Variants in NHSL1 observed in about 807,000 individuals in gnomAD.
The protein encoded by NHSL1 is NHS like 1, also known as NHS-like protein 1.
In NHSL1, 48 loss-of-function variants were observed where a neutral mutation model predicts 95.0. The observed-to-expected ratio is 0.51, with a 90% CI of 0.40 to 0.64. The LOEUF (loss-of-function observed/expected upper bound fraction) is 0.64. Among genes scored for constraint, NHSL1 ranks in the 30% least tolerant of loss-of-function variants. The probability of loss-of-function intolerance (pLI) is 0.00; values close to 1 mark genes in which losing one functional copy is unlikely to be tolerated. For missense variants in NHSL1, 1,971 were observed against 2,077.7 expected, an observed-to-expected ratio of 0.95 and a Z score of 1.00; for synonymous variants, 783 against 833.9, an observed-to-expected ratio of 0.94 and a Z score of 1.05.
intron 1 of NHSL1, among the ~76,000 whole-genome samples, chr6:138,521,330 A>T (rs140309079): frequency 5.8e-4 from 89 of 152,242 alleles, no homozygotes; most frequent in African/African-American, 2.1e-3. Context: ...ACTGGGACTG[A>T]TTGTGCACAC....
intron 1 of NHSL1, among the ~76,000 whole-genome samples, chr6:138,510,232 A>C (rs1462580923): frequency 6.6e-6 from 1 of 152,164 alleles, no homozygotes; most frequent in Non-Finnish European, 1.5e-5. Flanking sequence ...ATATTGTTTC[A>C]CATATGGTTA....
intron 1 of NHSL1, among the ~76,000 whole-genome samples, chr6:138,633,817 T>A (rs941678991): frequency 2.0e-5 from 3 of 152,218 alleles, no homozygotes; most frequent in Admixed American, 6.5e-5. Flanking sequence ...TGTAAACTAC[T>A]CTTATTCTAA....
At chr6:138,683,690 G>A (rs575618773) in intron 1 of NHSL1, among the ~76,000 whole-genome samples, 3 of 152,350 alleles carry the variant, frequency 2.0e-5, no homozygotes, top group Non-Finnish European at 4.4e-5. Context: ...ACTGCCACGC[G>A]ATGTTTGGGC....
intron 1 of NHSL1, among the ~76,000 whole-genome samples, chr6:138,655,718 C>A (rs1168193918): frequency 6.6e-6 from 1 of 152,180 alleles, no homozygotes; most frequent in Non-Finnish European, 1.5e-5. Flanking sequence ...ACATGAAGTA[C>A]TACCACTTTG....
At chr6:138,599,644 T>C (rs891144634) in intron 1 of NHSL1, among the ~76,000 whole-genome samples, 1 of 152,206 alleles carries the variant, frequency 6.6e-6, no homozygotes, top group African/African-American at 2.4e-5. Flanking sequence ...TTCCAGTTTC[T>C]CATTCAGTGC....
chr6:138,565,865 C>A (rs1783594861), intron 1 of NHSL1, among the ~76,000 whole-genome samples: 1 of 151,540 alleles, frequency 6.6e-6, no homozygotes, highest in South Asian at 2.1e-4. Context: ...ATCCCTTGAG[C>A]CTGGGAGTTC....
chr6:138,484,599 ATGTCT>A (rs1779613176), intron 2 of NHSL1, among the ~76,000 whole-genome samples: 1 of 152,146 alleles, frequency 6.6e-6, no homozygotes, highest in Non-Finnish European at 1.5e-5. Context: ...GTTTTCCCCC[ATGTCT>A]TGGGACCAAT....
chr6:138,679,655 C>T (rs1053287593), intron 1 of NHSL1, among the ~76,000 whole-genome samples: 3 of 152,238 alleles, frequency 2.0e-5, no homozygotes, highest in East Asian at 3.9e-4. Flanking sequence ...AACTTCTGTC[C>T]ACTTGATAAC....
At chr6:138,542,391 T>A (rs1003917590) in intron 1 of NHSL1, among the ~76,000 whole-genome samples, 1 of 152,244 alleles carries the variant, frequency 6.6e-6, no homozygotes, top group Non-Finnish European at 1.5e-5. Flanking sequence ...TTATGACAGC[T>A]CTGGGAAACT....
chr6:138,463,044 A>G (rs535882350), intron 3 of NHSL1, among the ~76,000 whole-genome samples: 1 of 152,252 alleles, frequency 6.6e-6, no homozygotes, highest in Admixed American at 6.5e-5. Context: ...TAGCAGATGG[A>G]GTTATCCTCA....
chr6:138,586,215 C>T (rs1784133442), intron 1 of NHSL1, among the ~76,000 whole-genome samples: 1 of 151,912 alleles, frequency 6.6e-6, no homozygotes, highest in South Asian at 2.1e-4. Context: ...CTGCCTCATC[C>T]TCCCAAATAG....
At chr6:138,473,544 G>A in intron 2 of NHSL1, 111 bp from the exon 3 acceptor site, 1 of 1,186,472 alleles carries the variant, frequency 8.4e-7, no homozygotes, top group Non-Finnish European at 1.1e-6. Context: ...ATTTTTCTAG[G>A]CATTAATAGG....
intron 1 of NHSL1, among the ~76,000 whole-genome samples, chr6:138,593,130 T>C (rs556603735): frequency 9.8e-4 from 149 of 152,326 alleles, no homozygotes; most frequent in African/African-American, 3.5e-3. Context: ...CAAAGACTTA[T>C]TGAATCCTGA....
At chr6:138,659,284 A>C (rs1215193376) in intron 1 of NHSL1, among the ~76,000 whole-genome samples, 14 of 152,018 alleles carry the variant, frequency 9.2e-5, no homozygotes. Flanking sequence ...TCCTGACCTC[A>C]GGTGATCCGC....
intron 1 of NHSL1, chr6:138,571,627 A>G: frequency 7.5e-7 from 1 of 1,329,460 alleles, no homozygotes; most frequent in South Asian, 1.4e-5. Context: ...GGGGGCAAAA[A>G]TCATGAAGGG....
Position 138,613,429 on chromosome 6 carries a change from C to T in NHSL1, c.96+79047G>A, listed in dbSNP as rs963533812. Among the ~76,000 whole-genome samples the T allele has an allele frequency of 3.9e-5, 6 of 152,262 alleles. No homozygotes were observed. The South Asian group carries it at 1.2e-3, about 32-fold the overall frequency. On this transcript the variant is annotated intron_variant, in intron 1 of 3. Transcript: ENST00000491526. Reference sequence around the variant, plus strand: ...GTCCGAGAGTGTGAGCCAAGTTTTCCCCTGCTGACAAATGCAGGCAAAGGC... The same window carrying T: ...GTCCGAGAGTGTGAGCCAAGTTTTCTCCTGCTGACAAATGCAGGCAAAGGC...
rs1475563953 is a variant in NHSL1, at chr6:138,442,044, C to T, written c.603G>A (p.Pro201=). Reference sequence around the variant, plus strand: ...TAGTCTTTCTCCTTTTGACTTTCTTCGGTCGTCTTACCAGAGTGTCTGTGT... The same window carrying T: ...TAGTCTTTCTCCTTTTGACTTTCTTTGGTCGTCTTACCAGAGTGTCTGTGT... ...LIYTDTLVRR[P]KKVKRRKTIT... Residue 201 remains proline, a synonymous_variant, in exon 5 of 8, where the codon CCG becomes CCA. Coordinates refer to ENST00000343505, the MANE Select transcript of NHSL1 (RefSeq NM_001144060.2). The T allele has an allele frequency of 8.4e-6, 13 of 1,551,246 alleles. No individual in the cohort carries two copies. The highest frequency in any genetic ancestry group is 5.9e-5 in the Admixed American group (3 of 50,936).
chr6:138,654,468 G>A (rs1785131057), intron 1 of NHSL1, among the ~76,000 whole-genome samples: 2 of 152,064 alleles, frequency 1.3e-5, no homozygotes, highest in Non-Finnish European at 2.9e-5. Flanking sequence ...CAATAGATGT[G>A]TAAAGACACT....
intron 3 of NHSL1, chr6:138,464,114 C>T (rs1299072471): frequency 3.8e-6 from 2 of 522,318 alleles, no homozygotes; most frequent in African/African-American, 2.0e-5. Flanking sequence ...TTCAGCTATC[C>T]TCACCGCTAT....
Sources: allele counts gnomAD v4.1 joint callset (sites outside exome capture counted in the v4.1 genomes callset), GRCh38; gene constraint gnomAD v4.1.1; transcripts MANE v1.5; gene names NCBI Gene and HGNC (gene_info 2026-07-23, HGNC 2026-07-21).